Variants in ARHGEF28 observed in about 807,000 individuals in gnomAD.
ARHGEF28 encodes 190 kDa guanine nucleotide exchange factor.
ARHGEF28 carries 152 observed loss-of-function variants against 206.6 expected under a neutral mutation model. The observed-to-expected ratio is 0.74, with a 90% CI of 0.64 to 0.84. The LOEUF (loss-of-function observed/expected upper bound fraction) is 0.84, where lower values mean the gene tolerates loss of function less well. Among genes scored for constraint, ARHGEF28 ranks in the 40% least tolerant of loss-of-function variants. The pLI is 0.00. For missense variants in ARHGEF28, 2,028 were observed against 2,073.2 expected, an observed-to-expected ratio of 0.98 and a Z score of 0.42; for synonymous variants, 763 against 776.4, an observed-to-expected ratio of 0.98 and a Z score of 0.29.
chr5:73,784,538 C>G (rs1754039854), intron 7 of ARHGEF28, among the ~76,000 whole-genome samples: 1 of 152,206 alleles, frequency 6.6e-6, no homozygotes, highest in Admixed American at 6.5e-5. Context: ...TGTTTGATCT[C>G]TCTGTCCTAG....
At chr5:73,790,655 GTTC>G (rs1160427362) in intron 7 of ARHGEF28, among the ~76,000 whole-genome samples, 4 of 146,588 alleles carry the variant, frequency 2.7e-5, no homozygotes, top group Non-Finnish European at 5.9e-5. Context: ...CAAAATGAAA[GTTC>G]TTATTAGTAG....
chr5:73,750,099 G>A, intron 3 of ARHGEF28, 115 bp downstream of exon 3: 1 of 1,270,908 alleles, frequency 7.9e-7, no homozygotes, highest in Non-Finnish European at 1.1e-6. Flanking sequence ...TGCAAGGTCA[G>A]GAGTGTGTGC....
chr5:73,911,914 A>G (rs1298101518), intron 35 of ARHGEF28, among the ~76,000 whole-genome samples: 2 of 152,226 alleles, frequency 1.3e-5, no homozygotes, highest in African/African-American at 4.8e-5. Context: ...GGACCCCACT[A>G]CATCCTGAAA....
chr5:73,820,794 A>T (rs1299358596), intron 9 of ARHGEF28, among the ~76,000 whole-genome samples: 1 of 152,056 alleles, frequency 6.6e-6, no homozygotes, highest in African/African-American at 2.4e-5. Context: ...GATTTATGGG[A>T]TCCCATTCTC....
At position 73,870,178 on chromosome 5, in the gene ARHGEF28, G is replaced by A; in HGVS notation, c.2535G>A (p.Lys845=). The A allele has an allele frequency of 6.2e-7, 1 of 1,613,816 alleles. No individual in the cohort carries two copies. Among genetic ancestry groups the A allele is most frequent in the Non-Finnish European group, 8.5e-7 (1 of 1,179,846 alleles). The change falls in exon 21 of 36, where the codon AAG becomes AAA. Residue 845 remains lysine (K), a synonymous_variant. Coordinates refer to ENST00000513042, the MANE Select transcript of ARHGEF28 (RefSeq NM_001177693.2). ...CCTCATTTTGTAATAGGCAGGAGAA[G>A]GATGTCATCAAAAGACAGGATGTCA... ...VDPSFCNRQE[K]DVIKRQDVIF... is the part of the protein sequence containing the mutation.
At chr5:73,754,239 A>G (rs1752183024) in intron 4 of ARHGEF28, among the ~76,000 whole-genome samples, 1 of 152,154 alleles carries the variant, frequency 6.6e-6, no homozygotes, top group African/African-American at 2.4e-5. Context: ...TTGTAAACAG[A>G]ATTATAAAGC....
At chr5:73,740,027 G>A in intron 2 of ARHGEF28, among the ~76,000 whole-genome samples, 1 of 145,460 alleles carries the variant, frequency 6.9e-6, no homozygotes, top group Non-Finnish European at 1.5e-5. Flanking sequence ...AAAAAATTTA[G>A]CTAGGTGTGG....
intron 16 of ARHGEF28, among the ~76,000 whole-genome samples, chr5:73,860,491 A>G (rs1054967112): frequency 6.6e-6 from 1 of 152,122 alleles, no homozygotes; most frequent in African/African-American, 2.4e-5. Context: ...GCCCAGCAGG[A>G]CATACTTGGC....
chr5:73,890,846 C>T (rs1352777715), intron 26 of ARHGEF28, among the ~76,000 whole-genome samples: 1 of 152,214 alleles, frequency 6.6e-6, no homozygotes, highest in Non-Finnish European at 1.5e-5. Flanking sequence ...CATATTATCC[C>T]CCAAACTGTT....
At chr5:73,905,854 C>T (rs1561181915) in intron 33 of ARHGEF28, among the ~76,000 whole-genome samples, 2 of 152,170 alleles carry the variant, frequency 1.3e-5, no homozygotes, top group Admixed American at 1.3e-4. Context: ...ATCAAATCAA[C>T]CACCATTCTC....
In ARHGEF28 at chr5:73,735,216, TATTA is replaced by T. The variant is rs554870164; in HGVS notation, c.34-14617_34-14614del. Among the ~76,000 whole-genome samples the T allele has an allele frequency of 5.8e-3, 881 of 151,146 alleles. 7 individuals carry two copies. The highest frequency in any genetic ancestry group is 0.02 in the African/African-American group (836 of 41,340). On this transcript the variant is annotated intron_variant, in intron 2 of 35. Coordinates refer to ENST00000513042, the MANE Select transcript of ARHGEF28 (RefSeq NM_001177693.2). ...TAAGTAATTAATAAATTAATACATT[TATTA>T]ATTTTTATTAATTAAATTAAAATTA...
chr5:73,780,882 C>A, intron 7 of ARHGEF28, 137 bp downstream of exon 7: 1 of 834,934 alleles, frequency 1.2e-6, no homozygotes, highest in Non-Finnish European at 1.9e-6. Flanking sequence ...TGGGATACAG[C>A]AAAGCCCCTG....
intron 7 of ARHGEF28, among the ~76,000 whole-genome samples, chr5:73,791,175 A>C (rs1754459335): frequency 6.6e-6 from 1 of 152,224 alleles, no homozygotes; most frequent in Admixed American, 6.5e-5. Flanking sequence ...AGCACCTGTT[A>C]AGTGCAAAGC....
At chr5:73,646,113 G>C (rs1270604170) in intron 1 of ARHGEF28, among the ~76,000 whole-genome samples, 1 of 152,062 alleles carries the variant, frequency 6.6e-6, no homozygotes. Flanking sequence ...CTGGATGTTG[G>C]CACTCTCTTC....
At chr5:73,726,595 G>A (rs1750289337) in intron 2 of ARHGEF28, among the ~76,000 whole-genome samples, 1 of 152,208 alleles carries the variant, frequency 6.6e-6, no homozygotes, top group Admixed American at 6.5e-5. Flanking sequence ...AACTTACTAA[G>A]CACAGTGTAA....
chr5:73,704,441 T>C (rs896486501), intron 2 of ARHGEF28, among the ~76,000 whole-genome samples: 1 of 152,168 alleles, frequency 6.6e-6, no homozygotes, highest in African/African-American at 2.4e-5. Context: ...ATTTTAGTTT[T>C]TGAGATAGGG....
At chr5:73,712,682 A>G (rs551244263) in intron 2 of ARHGEF28, among the ~76,000 whole-genome samples, 10 of 152,338 alleles carry the variant, frequency 6.6e-5, no homozygotes, top group African/African-American at 2.4e-4. Flanking sequence ...AGTTCAGTGA[A>G]CTTTTCCCTC....
rs1232520420 is a variant in ARHGEF28 at position 73,726,570 on chromosome 5, A to G, written c.34-23267A>G. 2.6e-5 allele frequency among the ~76,000 whole-genome samples: 4 copies of G among 152,356 alleles called. No homozygotes were observed. In the East Asian group the frequency reaches 5.8e-4, roughly 22 times the overall value. On this transcript the variant is annotated intron_variant, in intron 2 of 35. Coordinates refer to ENST00000513042, the MANE Select transcript of ARHGEF28 (RefSeq NM_001177693.2). ...ATTAGTTCGGTGCAAAAGTGTATCA[A>G]TACAGTATACGATGAACTTACTAAG...
At chr5:73,756,282 G>A (rs1410732542) in intron 4 of ARHGEF28, among the ~76,000 whole-genome samples, 1 of 152,204 alleles carries the variant, frequency 6.6e-6, no homozygotes, top group East Asian at 1.9e-4. Context: ...AGAGTGTATT[G>A]TATGTACTTA....
Sources: gnomAD v4.1 joint callset for allele counts (sites outside exome capture counted in the v4.1 genomes callset) on GRCh38, gnomAD v4.1.1 for gene constraint, MANE v1.5 for transcripts, NCBI Gene and HGNC (gene_info 2026-07-23, HGNC 2026-07-21) for gene names.